FILIP1: variants seen among roughly 807,000 people sequenced by gnomAD.
FILIP1 encodes the protein filamin A interacting protein 1.
A neutral mutation model predicts 102.1 loss-of-function variants in FILIP1; 61 were observed. The observed-to-expected ratio is 0.60, with a 90% confidence interval of 0.49 to 0.74. The LOEUF (loss-of-function observed/expected upper bound fraction) is 0.74. Ranked by LOEUF, FILIP1 falls within the 30% of genes least tolerant of loss-of-function variation. The pLI, the probability that FILIP1 is intolerant of heterozygous loss-of-function variation, is 0.00. For synonymous variants in FILIP1, 491 were observed against 526.9 expected (o/e 0.93, Z 0.93); for missense variants, 1,314 against 1,441.2 (o/e 0.91, Z 1.43).
chr6:75,305,912 T>C (rs960350768), downstream of FILIP1, among the ~76,000 whole-genome samples: 1 of 152,162 alleles, frequency 6.6e-6, no homozygotes, highest in Admixed American at 6.5e-5. Context: ...ACCCCTTTTA[T>C]TTTACTACGC....
At chr6:75,403,286 G>C (rs1478657648) in intron 2 of FILIP1, among the ~76,000 whole-genome samples, 1 of 152,006 alleles carries the variant, frequency 6.6e-6, no homozygotes, top group Non-Finnish European at 1.5e-5. Flanking sequence ...GGCTGAGATG[G>C]GAGGGTTATT....
intron 4 of FILIP1, among the ~76,000 whole-genome samples, chr6:75,352,763 C>T (rs1320772280): frequency 6.6e-6 from 1 of 151,708 alleles, no homozygotes; most frequent in African/African-American, 2.4e-5. Context: ...CAGATTTCCA[C>T]CCCAAAGAGA....
At chr6:75,340,246 A>T (rs1039260479) in intron 4 of FILIP1, among the ~76,000 whole-genome samples, 1 of 152,136 alleles carries the variant, frequency 6.6e-6, no homozygotes, top group Admixed American at 6.5e-5. Context: ...TATTACATAG[A>T]ATTTATCTGT....
At chr6:75,346,469 G>A (rs1305116432) in intron 4 of FILIP1, among the ~76,000 whole-genome samples, 1 of 152,158 alleles carries the variant, frequency 6.6e-6, no homozygotes, top group Non-Finnish European at 1.5e-5. Context: ...GTGGAATCTG[G>A]TGAAATGAAC....
intron 2 of FILIP1, among the ~76,000 whole-genome samples, chr6:75,402,190 G>A (rs1165664565): frequency 6.6e-6 from 1 of 152,104 alleles, no homozygotes; most frequent in Non-Finnish European, 1.5e-5. Context: ...CCAACTTTCT[G>A]ATTCTATTAG....
intron 4 of FILIP1, among the ~76,000 whole-genome samples, chr6:75,318,547 T>C (rs914552887): frequency 6.6e-6 from 1 of 152,152 alleles, no homozygotes; most frequent in African/African-American, 2.4e-5. Flanking sequence ...AGTTTTCTTT[T>C]ATAACACTTA....
intron 1 of FILIP1, among the ~76,000 whole-genome samples, chr6:75,417,706 A>C (rs1398101883): frequency 6.6e-6 from 1 of 152,206 alleles, no homozygotes. Flanking sequence ...TTATAGATGA[A>C]GCTACTGAGG....
At chr6:75,367,199 A>G (rs561422006) in intron 2 of FILIP1, 53 of 152,338 alleles carry the variant, frequency 3.5e-4, no homozygotes, top group African/African-American at 1.2e-3. Flanking sequence ...TGCTACATAT[A>G]CTAAATATTT....
At chr6:75,296,375 GT>G (rs1772674217) in intron 6 of FILIP1, 8 of 151,506 alleles carry the variant, frequency 5.3e-5, no homozygotes, top group African/African-American at 1.9e-4. Flanking sequence ...GTGTGTGTGT[GT>G]GTGTGTGGAT....
At chr6:75,454,467 T>C (rs1186310129) in intron 1 of FILIP1, among the ~76,000 whole-genome samples, 3 of 152,182 alleles carry the variant, frequency 2.0e-5, no homozygotes, top group Non-Finnish European at 4.4e-5. Context: ...TTAAGGTCCA[T>C]AACCCTAGTC....
At chr6:75,391,293 C>T (rs1315221466) in intron 2 of FILIP1, among the ~76,000 whole-genome samples, 2 of 152,126 alleles carry the variant, frequency 1.3e-5, no homozygotes, top group African/African-American at 4.8e-5. Context: ...TTGGTTAAAT[C>T]TCTCTCCCCA....
At chr6:75,437,695 G>A (rs1253998078) in intron 1 of FILIP1, among the ~76,000 whole-genome samples, 1 of 152,178 alleles carries the variant, frequency 6.6e-6, no homozygotes, top group Non-Finnish European at 1.5e-5. Flanking sequence ...GTACTTATTG[G>A]TCAGGGTCCT....
chr6:75,339,651 T>C (rs1268761812), intron 4 of FILIP1, among the ~76,000 whole-genome samples: 2 of 152,144 alleles, frequency 1.3e-5, no homozygotes, highest in Non-Finnish European at 2.9e-5. Flanking sequence ...CCTTTCAAGA[T>C]ATAAAGTGTG....
chr6:75,433,208 G>A (rs1777888731), intron 1 of FILIP1, among the ~76,000 whole-genome samples: 1 of 152,180 alleles, frequency 6.6e-6, no homozygotes, highest in Admixed American at 6.5e-5. Context: ...TGGTATGGCT[G>A]GGTCAAATGG....
downstream of FILIP1, among the ~76,000 whole-genome samples, chr6:75,304,480 T>A (rs914449820): frequency 1.3e-5 from 2 of 152,124 alleles, no homozygotes; most frequent in African/African-American, 4.8e-5. Context: ...CCTCCCAGAG[T>A]GCTGGGATTA....
In FILIP1 at chr6:75,414,929, T is replaced by A; in HGVS notation, c.44A>T (p.His15Leu). The A allele has an allele frequency of 6.2e-7, 1 of 1,613,880 alleles. No homozygotes were observed. Among genetic ancestry groups the A allele is most frequent in the Non-Finnish European group, 8.5e-7 (1 of 1,179,848 alleles). ...GATGGAGGGCTTGGGACAGGAGATA[T>A]GCCCATCAGATGCACTTTCACCACC... is the stretch of plus-strand genomic sequence containing the variant. ...NQGGESASDGHISCPKPSIIG... is the reference protein window; with the variant it reads ...NQGGESASDGLISCPKPSIIG... Residue 15 changes from histidine to leucine, a missense_variant, in exon 2 of 6, where the codon CAT (histidine) becomes CTT (leucine). Coordinates refer to ENST00000237172, the MANE Select transcript of FILIP1 (RefSeq NM_015687.5).
chr6:75,366,808 C>A (rs749718411), intron 2 of FILIP1, among the ~76,000 whole-genome samples: 27 of 152,122 alleles, frequency 1.8e-4, no homozygotes, highest in Non-Finnish European at 3.7e-4. Flanking sequence ...CTGGATATTT[C>A]ACAATCTACT....
chr6:75,490,367 T>TAAG (rs1234265628), intron 1 of FILIP1, among the ~76,000 whole-genome samples: 1 of 152,120 alleles, frequency 6.6e-6, no homozygotes, highest in Non-Finnish European at 1.5e-5. Flanking sequence ...GATTCCTGCT[T>TAAG]TATCTCACTC....
At chr6:75,408,477 G>A (rs887323696) in intron 2 of FILIP1, among the ~76,000 whole-genome samples, 1 of 152,226 alleles carries the variant, frequency 6.6e-6, no homozygotes, top group Non-Finnish European at 1.5e-5. Context: ...ATTTTGCAAA[G>A]AGCCAAGGCC....
Sources: allele counts gnomAD v4.1 joint callset (sites outside exome capture counted in the v4.1 genomes callset), GRCh38; gene constraint gnomAD v4.1.1; transcripts MANE v1.5; gene names NCBI Gene and HGNC (gene_info 2026-07-23, HGNC 2026-07-21).